The following FAM13B variants were observed in gnomAD, a reference collection of about 807,000 sequenced individuals.
FAM13B encodes family with sequence similarity 13 member B.
In FAM13B, 60 loss-of-function variants were observed where a neutral mutation model predicts 117.3. The ratio of observed to expected loss-of-function variants is 0.51; its 90% CI spans 0.42 to 0.63. FAM13B has a LOEUF of 0.63. FAM13B is among the 30% of genes least tolerant of loss of function. The pLI is 0.00. For synonymous variants in FAM13B, 332 were observed against 356.1 expected (o/e 0.93, Z 0.76); for missense variants, 972 against 1,091.9 (o/e 0.89, Z 1.55).
rs979955281 is a variant in FAM13B, at chr5:137,993,434, C to G, written c.849-5119G>C. On this transcript the variant is annotated intron_variant, in intron 7 of 23. Coordinates refer to ENST00000689681, the MANE Select transcript of FAM13B (RefSeq NM_001385994.1). ...TTGAGGCCAGGAGTTTGAGGCCAGC[C>G]TGGGCAACATAGCAAAACCGCATCT... Among the ~76,000 whole-genome samples, 8 of 152,112 alleles carry G rather than the reference C, an allele frequency of 5.3e-5. 1 individual carries two copies. Among genetic ancestry groups the G allele is most frequent in the African/African-American group, 1.9e-4 (8 of 41,500 alleles).
chr5:138,032,222 G>T (rs796840900), intron 1 of FAM13B, among the ~76,000 whole-genome samples: 8 of 152,254 alleles, frequency 5.3e-5, no homozygotes, highest in African/African-American at 1.9e-4. Flanking sequence ...CTCCAGCCTG[G>T]CCTATGCAGA....
chr5:138,013,450 G>A (rs1415309886), intron 4 of FAM13B, among the ~76,000 whole-genome samples: 2 of 148,990 alleles, frequency 1.3e-5, no homozygotes, highest in Non-Finnish European at 3.0e-5. Context: ...GCAGTGAGCC[G>A]AGATTGCACC....
At chr5:138,051,047 C>G (rs1031206173) in intron 1 of FAM13B, among the ~76,000 whole-genome samples, 1 of 151,674 alleles carries the variant, frequency 6.6e-6, no homozygotes. Context: ...AAAAGCAAAA[C>G]TCTCACTTCA....
intron 6 of FAM13B, 140 bp downstream of exon 6, chr5:138,010,868 G>C (rs955547893): frequency 1.1e-6 from 1 of 874,272 alleles, no homozygotes. Context: ...GCCACCTACT[G>C]ATTACATATA....
intron 4 of FAM13B, among the ~76,000 whole-genome samples, chr5:138,013,722 T>G (rs1186254032): frequency 6.6e-6 from 1 of 152,152 alleles, no homozygotes; most frequent in East Asian, 1.9e-4. Context: ...TTTAACAACC[T>G]AAGCATTCAG....
chr5:138,004,255 C>T (rs975605663), intron 7 of FAM13B, among the ~76,000 whole-genome samples: 4 of 150,628 alleles, frequency 2.7e-5, no homozygotes, highest in African/African-American at 7.3e-5. Flanking sequence ...GGCAACAGAG[C>T]GCAACTCCAT....
chr5:138,030,982 G>A (rs1789811624), intron 1 of FAM13B, among the ~76,000 whole-genome samples: 1 of 151,330 alleles, frequency 6.6e-6, no homozygotes, highest in East Asian at 2.0e-4. Context: ...GCAGTCAGCC[G>A]AGATTGCACC....
At position 137,959,219 on chromosome 5, in the gene FAM13B, T is replaced by C. The variant is rs143549698; in HGVS notation, c.1441+397A>G. Reference sequence around the variant, plus strand: ...AGGTCATTTTTCAAAAAAGTACTACTGATGATACTAAGGACAAGGTAATTA... The same window carrying C: ...AGGTCATTTTTCAAAAAAGTACTACCGATGATACTAAGGACAAGGTAATTA... On this transcript the variant is annotated intron_variant, in intron 13 of 23. Transcript: ENST00000689681. Among the ~76,000 whole-genome samples, 26 of 152,330 alleles carry C rather than the reference T, an allele frequency of 1.7e-4. 1 individual carries two copies. The East Asian group carries it at 5.0e-3, about 29-fold the overall frequency.
Position 138,022,954 on chromosome 5 carries a change from A to G in FAM13B, c.-202-1757T>C, listed in dbSNP as rs187068079. The stretch of plus-strand genomic sequence containing the variant: ...AGCAATCCCCTGCCTCAGCCTCCCA[A>G]ATTGCTGGGCCTACATGTACACACC... On this transcript the variant is annotated intron_variant, in intron 1 of 23. Transcript: ENST00000689681. Among the ~76,000 whole-genome samples the G allele has an allele frequency of 1.2e-3, 188 of 151,850 alleles. 4 individuals are homozygous for G. The highest frequency in any genetic ancestry group is 0.01 in the Middle Eastern group (3 of 294).
intron 10 of FAM13B, among the ~76,000 whole-genome samples, chr5:137,975,360 C>T (rs998846267): frequency 3.9e-5 from 6 of 152,342 alleles, no homozygotes; most frequent in African/African-American, 1.4e-4. Flanking sequence ...AATGCCCTAA[C>T]CAATGTGGTC....
chr5:137,996,839 C>T (rs190264466), intron 7 of FAM13B, among the ~76,000 whole-genome samples: 4 of 152,258 alleles, frequency 2.6e-5, no homozygotes, highest in African/African-American at 9.6e-5. Context: ...CGTGATCCAC[C>T]CTCCTTGGCC....
chr5:138,017,031 CG>C (rs1278286215), intron 4 of FAM13B, among the ~76,000 whole-genome samples: 5 of 152,006 alleles, frequency 3.3e-5, no homozygotes, highest in African/African-American at 1.2e-4. Context: ...AACAAAAAAG[CG>C]TAATTTTGGG....
At chr5:138,039,105 A>G (rs1170820873) in intron 1 of FAM13B, 1 of 152,242 alleles carries the variant, frequency 6.6e-6, no homozygotes, top group Admixed American at 6.5e-5. Context: ...ATGTAGGCCA[A>G]TACTATCATC....
chr5:137,956,522 GA>G lies in FAM13B; in HGVS notation c.1461del (p.Leu489SerfsTer41). On this transcript the variant is annotated frameshift_variant, in exon 14 of 24. Coordinates refer to ENST00000689681, the MANE Select transcript of FAM13B (RefSeq NM_001385994.1). LOFTEE classifies it high-confidence loss of function. ...DKWEASCPIT[F>X]PLIDFKTMHL... ...TGCATTGTTTTGAAATCAATGAGGG[GA>G]AAAGTGATAGGGCATGACGCTAATA... 1.3e-6 allele frequency: 2 copies of G among 1,599,556 alleles called. No individual in the cohort carries two copies. Among genetic ancestry groups the G allele is most frequent in the East Asian group, 2.2e-5 (1 of 44,600 alleles).
intron 4 of FAM13B, among the ~76,000 whole-genome samples, chr5:138,013,862 T>C (rs888097881): frequency 6.6e-6 from 1 of 152,248 alleles, no homozygotes; most frequent in African/African-American, 2.4e-5. Flanking sequence ...ATGTCTAGCA[T>C]ACCTATCCAT....
chr5:138,045,363 A>G (rs1323761706), intron 1 of FAM13B, among the ~76,000 whole-genome samples: 2 of 151,620 alleles, frequency 1.3e-5, no homozygotes, highest in African/African-American at 2.4e-5. Flanking sequence ...GCAAAACCCT[A>G]TCTCTACAAA....
intron 6 of FAM13B, among the ~76,000 whole-genome samples, 198 bp from the exon 7 acceptor site, chr5:138,007,345 T>C (rs1462150815): frequency 2.0e-5 from 3 of 152,214 alleles, no homozygotes; most frequent in African/African-American, 7.2e-5. Flanking sequence ...AAATGTAACA[T>C]TTTGAAGCAG....
At chr5:137,988,473 G>C (rs1379990789) in intron 7 of FAM13B, among the ~76,000 whole-genome samples, 158 bp from the exon 8 acceptor site, 1 of 152,178 alleles carries the variant, frequency 6.6e-6, no homozygotes, top group Admixed American at 6.5e-5. Context: ...AATATTTTCT[G>C]AATCTGGTTG....
At position 138,018,271 on chromosome 5, in the gene FAM13B, T is replaced by A. The variant is rs1212582898; in HGVS notation, c.370+31A>T. 2.0e-6 allele frequency: 3 copies of A among 1,528,366 alleles called. No homozygotes were observed. The South Asian group carries it at 3.4e-5, about 17-fold the overall frequency. 94.7% of individuals were successfully genotyped at this position (1,528,366 alleles called of 1,614,324 possible). On this transcript the variant is annotated intron_variant, in intron 4 of 23. Coordinates refer to ENST00000689681, the MANE Select transcript of FAM13B (RefSeq NM_001385994.1). ...TAAAGACTAGGAAATTAACAACAAA[T>A]GACCAATTGATAAGTATCAAATTAT...
Sources: gnomAD v4.1 joint callset for allele counts (sites outside exome capture counted in the v4.1 genomes callset) on GRCh38, gnomAD v4.1.1 for gene constraint, MANE v1.5 for transcripts, NCBI Gene and HGNC (gene_info 2026-07-23, HGNC 2026-07-21) for gene names.